Variants in PPP4R3A observed in about 807,000 individuals in gnomAD.
PPP4R3A encodes the protein protein phosphatase 4 regulatory subunit 3A.
A neutral mutation model predicts 91.7 loss-of-function variants in PPP4R3A; 15 were observed. The ratio of observed to expected loss-of-function variants is 0.16; its 90% confidence interval spans 0.11 to 0.25. The LOEUF is 0.25. PPP4R3A is among the 10% of genes least tolerant of loss of function. The probability of loss-of-function intolerance (pLI) is 1.00; values close to 1 mark genes in which losing one functional copy is unlikely to be tolerated. For missense variants in PPP4R3A, 623 were observed against 998.4 expected, an observed-to-expected ratio of 0.62 and a Z score of 5.07; for synonymous variants, 377 against 348.7, an observed-to-expected ratio of 1.08 and a Z score of -0.91.
intron 1 of PPP4R3A, among the ~76,000 whole-genome samples, chr14:91,508,368 G>GA (rs1891545016): frequency 6.6e-6 from 1 of 152,122 alleles, no homozygotes; most frequent in Non-Finnish European, 1.5e-5. Flanking sequence ...CATGGAATTG[G>GA]AGTTCTGGGG....
intron 1 of PPP4R3A, among the ~76,000 whole-genome samples, chr14:91,504,621 C>CA (rs1891174853): frequency 6.7e-6 from 1 of 150,252 alleles, no homozygotes; most frequent in Non-Finnish European, 1.5e-5. Context: ...AAAAAGAAAA[C>CA]AAAAAACAAA....
intron 9 of PPP4R3A, 133 bp downstream of exon 9, chr14:91,472,898 CTA>C: frequency 1.4e-6 from 1 of 731,950 alleles, no homozygotes; most frequent in South Asian, 1.8e-5. Flanking sequence ...CTTTTAAAGA[CTA>C]CTACTTTTTA....
At chr14:91,496,255 A>G (rs1449237766) in intron 1 of PPP4R3A, among the ~76,000 whole-genome samples, 1 of 152,162 alleles carries the variant, frequency 6.6e-6, no homozygotes, top group Non-Finnish European at 1.5e-5. Context: ...AAATTCATCA[A>G]ATTGAATACT....
In PPP4R3A at chr14:91,470,911, T is replaced by C; in HGVS notation, c.1586A>G (p.Asn529Ser). 1 of 1,612,250 alleles carries C rather than the reference T, an allele frequency of 6.2e-7. No individual in the cohort carries two copies. Among genetic ancestry groups the C allele is most frequent in the Non-Finnish European group, 8.5e-7 (1 of 1,179,702 alleles). Residue 529 changes from asparagine to serine, a missense_variant, in exon 10 of 15, where the codon AAC (asparagine) becomes AGC (serine). By Grantham distance (46) the Asn-to-Ser change is conservative (BLOSUM62 1). This residue lies in a region of PPP4R3A where 87 missense variants were observed against 233.9 expected (regional missense o/e 0.37). Transcript: ENST00000554943. ...CVEHHTYHIK[N>S]YIINKDILRR... The stretch of plus-strand genomic sequence containing the variant: ...GAGGATATCCTTATTAATAATGTAG[T>C]TCTTTATGTGGTAGGTATGGTGCTC...
At chr14:91,463,553 C>T (rs1412446593) in intron 11 of PPP4R3A, among the ~76,000 whole-genome samples, 1 of 152,058 alleles carries the variant, frequency 6.6e-6, no homozygotes. Context: ...CCCACCTCAG[C>T]CTCCTGAGCA....
At chr14:91,488,374 A>G (rs1890027693) in intron 2 of PPP4R3A, among the ~76,000 whole-genome samples, 1 of 152,190 alleles carries the variant, frequency 6.6e-6, no homozygotes, top group African/African-American at 2.4e-5. Flanking sequence ...TAAGTCTATA[A>G]TTTTTATTCA....
intron 1 of PPP4R3A, among the ~76,000 whole-genome samples, chr14:91,504,325 T>TAAA (rs35776205): frequency 7.0e-5 from 8 of 115,012 alleles, no homozygotes; most frequent in East Asian, 2.2e-4. Context: ...TCTTAAAAAT[T>TAAA]AAAAAAAAAA....
chr14:91,494,332 T>C (rs1890411714), intron 1 of PPP4R3A, among the ~76,000 whole-genome samples: 1 of 152,140 alleles, frequency 6.6e-6, no homozygotes, highest in African/African-American at 2.4e-5. Flanking sequence ...AAAAATTTGT[T>C]TGTGCTGCAA....
intron 1 of PPP4R3A, among the ~76,000 whole-genome samples, chr14:91,506,902 C>T (rs980286339): frequency 3.9e-5 from 6 of 152,136 alleles, no homozygotes; most frequent in Non-Finnish European, 7.3e-5. Context: ...TACAAGGGCA[C>T]ATCAGTAATT....
At chr14:91,464,344 A>C in intron 11 of PPP4R3A, among the ~76,000 whole-genome samples, 1 of 133,926 alleles carries the variant, frequency 7.5e-6, no homozygotes, top group Non-Finnish European at 1.6e-5. Context: ...CACCCCCCAA[A>C]AAAAGCATGT....
chr14:91,486,088 T>C (rs79434411), intron 2 of PPP4R3A, among the ~76,000 whole-genome samples: 9 of 152,316 alleles, frequency 5.9e-5, no homozygotes, highest in African/African-American at 2.2e-4. Context: ...AAGCATAAAA[T>C]AGCTAGGGCA....
chr14:91,471,727 A>C (rs1242574600), intron 9 of PPP4R3A, among the ~76,000 whole-genome samples: 1 of 152,182 alleles, frequency 6.6e-6, no homozygotes, highest in Admixed American at 6.5e-5. Flanking sequence ...CACAAAAAGT[A>C]AATTTAACTT....
At chr14:91,502,117 T>C (rs1294872120) in intron 1 of PPP4R3A, among the ~76,000 whole-genome samples, 1 of 152,054 alleles carries the variant, frequency 6.6e-6, no homozygotes, top group African/African-American at 2.4e-5. Context: ...CATTACATAG[T>C]GGCATTTAAA....
intron 4 of PPP4R3A, among the ~76,000 whole-genome samples, chr14:91,480,559 A>AT (rs1823161326): frequency 6.6e-6 from 1 of 152,030 alleles, no homozygotes; most frequent in South Asian, 2.1e-4. Context: ...TTTAAATTTT[A>AT]TTTTTTTGGT....
intron 1 of PPP4R3A, among the ~76,000 whole-genome samples, chr14:91,491,652 G>T (rs1223457631): frequency 6.6e-6 from 1 of 152,158 alleles, no homozygotes; most frequent in Admixed American, 6.5e-5. Context: ...TGATCCACCA[G>T]CCTTGGCCTC....
intron 1 of PPP4R3A, among the ~76,000 whole-genome samples, chr14:91,499,217 A>G (rs946157512): frequency 8.6e-5 from 13 of 151,820 alleles, no homozygotes; most frequent in Admixed American, 4.6e-4. Context: ...GTGAGCTCTG[A>G]TCACACCACT....
chr14:91,468,375 TAA>T (rs1239010553), intron 10 of PPP4R3A, among the ~76,000 whole-genome samples: 1 of 152,106 alleles, frequency 6.6e-6, no homozygotes, highest in Admixed American at 6.5e-5. Flanking sequence ...TGACTCTCTT[TAA>T]AAATGACCAA....
intron 14 of PPP4R3A, among the ~76,000 whole-genome samples, chr14:91,460,742 T>A (rs1350492893): frequency 1.4e-5 from 2 of 142,154 alleles, no homozygotes; most frequent in African/African-American, 5.2e-5. Context: ...TGCCTCAGCC[T>A]CCAGAGTAGC....
chr14:91,481,639 G>A lies in PPP4R3A; in HGVS notation c.852C>T (p.Asn284=), dbSNP rs1432949049. The change falls in exon 4 of 15, where the codon AAC becomes AAT. Residue 284 remains asparagine (N), a synonymous_variant. Coordinates refer to ENST00000554943, the MANE Select transcript of PPP4R3A (RefSeq NM_001366432.2). ...TAAAAGAGTGAAGTGTTGATAACAT[G>A]TTTTCTTCAAAGACCGAAGGAGTTG... ...VLPTPSVFEE[N]MLSTLHSFIF... The A allele has an allele frequency of 2.5e-6, 4 of 1,607,926 alleles. No individual in the cohort carries two copies. The highest frequency in any genetic ancestry group is 3.4e-6 in the Non-Finnish European group (4 of 1,178,520).
Sources: gnomAD v4.1 joint callset for allele counts (sites outside exome capture counted in the v4.1 genomes callset) on GRCh38, gnomAD v4.1.1 for gene constraint, gnomAD v4.1.1 regional missense constraint, MANE v1.5 for transcripts, NCBI Gene and HGNC (gene_info 2026-07-23, HGNC 2026-07-21) for gene names.